The following PPP2CB variants were observed in gnomAD, a reference collection of about 807,000 sequenced individuals.
The protein encoded by PPP2CB is serine/threonine-protein phosphatase 2A catalytic subunit beta isoform.
Under a neutral mutation model 39.1 loss-of-function variants are expected in PPP2CB, and 18 were observed. The observed-to-expected ratio is 0.46, with a 90% CI of 0.32 to 0.68. PPP2CB has a LOEUF of 0.68. Among genes scored for constraint, PPP2CB ranks in the 30% least tolerant of loss-of-function variants. The pLI is 0.04. For missense variants in PPP2CB, 226 were observed against 396.9 expected (o/e 0.57, Z 3.66); for synonymous variants, 129 against 133.8 (o/e 0.96, Z 0.25).
intron 6 of PPP2CB, among the ~76,000 whole-genome samples, chr8:30,786,856 C>T (rs1357220379): frequency 6.6e-6 from 1 of 151,350 alleles, no homozygotes; most frequent in Non-Finnish European, 1.5e-5. Context: ...TTAGTAGAGA[C>T]GGGGTTTCAC....
At chr8:30,791,669 G>A in intron 5 of PPP2CB, 1 of 164,310 alleles carries the variant, frequency 6.1e-6, no homozygotes, top group Non-Finnish European at 1.3e-5. Context: ...GCTATTACTA[G>A]GTAAATACAA....
At chr8:30,793,757 G>T (rs1806477291) in intron 5 of PPP2CB, 160 bp downstream of exon 5, 1 of 725,062 alleles carries the variant, frequency 1.4e-6, no homozygotes, top group Non-Finnish European at 2.1e-6. Context: ...TTCTGCTCTG[G>T]TCTACTAGTG....
chr8:30,808,363 T>C (rs770772028), intron 1 of PPP2CB, among the ~76,000 whole-genome samples: 1 of 151,918 alleles, frequency 6.6e-6, no homozygotes, highest in Non-Finnish European at 1.5e-5. Context: ...CCTCCCAAAG[T>C]GCTAGGATTA....
At chr8:30,806,076 C>A (rs530357543) in intron 1 of PPP2CB, among the ~76,000 whole-genome samples, 4 of 141,752 alleles carry the variant, frequency 2.8e-5, no homozygotes, top group Admixed American at 7.4e-5. Context: ...GAGATGGAGT[C>A]TCCCTCTGTC....
At chr8:30,807,220 G>C (rs938712042) in intron 1 of PPP2CB, among the ~76,000 whole-genome samples, 5 of 152,210 alleles carry the variant, frequency 3.3e-5, no homozygotes, top group East Asian at 1.9e-4. Flanking sequence ...TTGTTCGAGG[G>C]AAATTAAAAA....
In PPP2CB at chr8:30,805,862, T is replaced by C. The variant is rs545787319; in HGVS notation, c.103-6107A>G. 1.4e-4 allele frequency among the ~76,000 whole-genome samples: 21 copies of C among 152,314 alleles called. 1 individual carries two copies. In the South Asian group the frequency reaches 4.4e-3, roughly 32 times the overall value. ...CAGGTTGCACCTCAGGATTGTCTTTTAATTCATTTGATCACAAAAGTATCT... is the reference window on the plus strand; with the variant it reads ...CAGGTTGCACCTCAGGATTGTCTTTCAATTCATTTGATCACAAAAGTATCT... On this transcript the variant is annotated intron_variant, in intron 1 of 6. Coordinates refer to ENST00000221138, the MANE Select transcript of PPP2CB (RefSeq NM_001009552.2).
intron 5 of PPP2CB, 113 bp downstream of exon 5, chr8:30,793,804 T>C: frequency 1.6e-6 from 2 of 1,267,548 alleles, no homozygotes; most frequent in Non-Finnish European, 2.1e-6. Context: ...GTTTTTCCTC[T>C]TTTCACCTAG....
intron 6 of PPP2CB, 199 bp from the exon 7 acceptor site, chr8:30,786,506 A>AATTTTTTTTTTTTTTTTTTTT (rs1806344170): frequency 2.6e-6 from 1 of 385,792 alleles, no homozygotes; most frequent in African/African-American, 2.1e-5. Flanking sequence ...TATGGTGAAA[A>AATTTTTTTTTTTTTTTTTTTT]TTTAAGAAGA....
chr8:30,802,984 A>T (rs1806651649), intron 1 of PPP2CB, among the ~76,000 whole-genome samples: 1 of 152,228 alleles, frequency 6.6e-6, no homozygotes, highest in Non-Finnish European at 1.5e-5. Context: ...CAACACGCAG[A>T]AACTTAGTGA....
chr8:30,792,538 G>A (rs754320556), intron 5 of PPP2CB, among the ~76,000 whole-genome samples: 4 of 151,600 alleles, frequency 2.6e-5, no homozygotes, highest in Non-Finnish European at 5.9e-5. Context: ...CAACCTCCTG[G>A]CCTCAAGTGA....
intron 1 of PPP2CB, among the ~76,000 whole-genome samples, chr8:30,800,291 G>A (rs1380469478): frequency 6.6e-6 from 1 of 152,170 alleles, no homozygotes; most frequent in Non-Finnish European, 1.5e-5. Flanking sequence ...AGTCACAAAT[G>A]ATCACATAAT....
chr8:30,799,034 G>A (rs1176860092), intron 2 of PPP2CB, among the ~76,000 whole-genome samples: 3 of 152,184 alleles, frequency 2.0e-5, no homozygotes, highest in Non-Finnish European at 4.4e-5. Flanking sequence ...AGAAGGCCAG[G>A]CAAGGAGTTT....
chr8:30,808,922 C>CT (rs34287210), intron 1 of PPP2CB, among the ~76,000 whole-genome samples: 2,629 of 116,554 alleles, frequency 0.023, 46 homozygotes, highest in African/African-American at 0.05. Context: ...TTTACATGGC[C>CT]TTTTTTTTTT....
chr8:30,794,408 T>A (rs1415979622), intron 3 of PPP2CB, 127 bp from the exon 4 acceptor site: 15 of 801,540 alleles, frequency 1.9e-5, no homozygotes, highest in Non-Finnish European at 2.9e-5. Context: ...TGTCCATCAT[T>A]TTTTCTTCTT....
intron 1 of PPP2CB, among the ~76,000 whole-genome samples, chr8:30,811,486 G>A (rs1806825048): frequency 6.6e-6 from 1 of 150,520 alleles, no homozygotes; most frequent in Non-Finnish European, 1.5e-5. Flanking sequence ...CAAACGCTTG[G>A]CACATTCAAG....
intron 1 of PPP2CB, among the ~76,000 whole-genome samples, chr8:30,802,421 G>A (rs1215666510): frequency 6.6e-6 from 1 of 152,084 alleles, no homozygotes; most frequent in Non-Finnish European, 1.5e-5. Flanking sequence ...GAGGTAGGAG[G>A]GCAGGGGACA....
Position 30,812,569 on chromosome 8 carries a change from A to T in PPP2CB, c.-148T>A. On this transcript the variant is annotated 5_prime_UTR_variant, in exon 1 of 7. Coordinates refer to ENST00000221138, the MANE Select transcript of PPP2CB (RefSeq NM_001009552.2). The stretch of plus-strand genomic sequence containing the variant: ...CCACAGGGGGAGGACTGAGCCGGGT[A>T]GGGCGGCCGCGGGCCCCGCGCCCCG... The T allele has an allele frequency of 2.4e-6, 1 of 418,742 alleles. No individual in the cohort carries two copies. The allele number at this position is 418,742 out of a possible 1,614,324, so 25.9% of individuals were successfully genotyped here.
chr8:30,812,763 C>T lies in PPP2CB; in HGVS notation c.-342G>A. 1 of 470,332 alleles carries T rather than the reference C, an allele frequency of 2.1e-6. No homozygotes were observed. The highest frequency in any genetic ancestry group is 4.2e-6 in the Non-Finnish European group (1 of 236,254). 29.1% of individuals were successfully genotyped at this position (470,332 alleles called of 1,614,324 possible). A position where few individuals can be genotyped will look rare whatever the true frequency, so the allele number is the denominator to read the frequency against. The stretch of plus-strand genomic sequence containing the variant: ...GCCGGACGAAGGCCGCCCGCTGCCG[C>T]TTCAGGCCCGCCTCACGCCTACCGG... On this transcript the variant is annotated 5_prime_UTR_variant, in exon 1 of 7. Coordinates refer to ENST00000221138, the MANE Select transcript of PPP2CB (RefSeq NM_001009552.2).
intron 5 of PPP2CB, among the ~76,000 whole-genome samples, chr8:30,792,019 T>G (rs1806445642): frequency 6.6e-6 from 1 of 151,978 alleles, no homozygotes; most frequent in African/African-American, 2.4e-5. Context: ...CATACATGTG[T>G]GTATATATGT....
Sources: allele counts gnomAD v4.1 joint callset (sites outside exome capture counted in the v4.1 genomes callset), GRCh38; gene constraint gnomAD v4.1.1; transcripts MANE v1.5; gene names NCBI Gene and HGNC (gene_info 2026-07-23, HGNC 2026-07-21).